SLC24A2: variants seen among roughly 807,000 people sequenced by gnomAD.
The protein encoded by SLC24A2 is sodium/potassium/calcium exchanger 2.
Under a neutral mutation model 62.0 loss-of-function variants are expected in SLC24A2, and 36 were observed. The observed-to-expected ratio is 0.58, with a 90% confidence interval of 0.44 to 0.77. The LOEUF (loss-of-function observed/expected upper bound fraction) is 0.77. Among genes scored for constraint, SLC24A2 ranks in the 30% least tolerant of loss-of-function variants. SLC24A2 has a pLI of 0.00. For missense variants in SLC24A2, 846 were observed against 817.9 expected (o/e 1.03, Z -0.42); for synonymous variants, 358 against 294.0 (o/e 1.22, Z -2.23).
At chr9:19,857,025 G>T in the SLC24A2 span, among the ~76,000 whole-genome samples, 1 of 152,162 alleles carries the variant, frequency 6.6e-6, no homozygotes, top group African/African-American at 2.4e-5. Flanking sequence ...TAACTTTATT[G>T]TTAAACATGG....
At chr9:19,801,324 C>G in the SLC24A2 span, among the ~76,000 whole-genome samples, 1 of 152,212 alleles carries the variant, frequency 6.6e-6, no homozygotes, top group Non-Finnish European at 1.5e-5. Context: ...AGCCTTTAGC[C>G]TGACTGGGAG....
chr9:19,564,883 G>T (rs1267722692), intron 7 of SLC24A2, among the ~76,000 whole-genome samples: 1 of 152,096 alleles, frequency 6.6e-6, no homozygotes, highest in Admixed American at 6.5e-5. Flanking sequence ...CAGCAGGCAG[G>T]CAGTTTTGCA....
intron 9 of SLC24A2, among the ~76,000 whole-genome samples, chr9:19,525,112 A>G (rs1397124298): frequency 6.6e-6 from 1 of 152,194 alleles, no homozygotes; most frequent in Non-Finnish European, 1.5e-5. Context: ...TGTATAAAAT[A>G]ATGACTCCAA....
At chr9:20,221,518 A>T in the SLC24A2 span, among the ~76,000 whole-genome samples, 3 of 152,088 alleles carry the variant, frequency 2.0e-5, no homozygotes, top group Non-Finnish European at 4.4e-5. Flanking sequence ...TGACATAATA[A>T]GTTAATGGTG....
the SLC24A2 span, among the ~76,000 whole-genome samples, chr9:19,794,478 G>T: frequency 6.6e-6 from 1 of 151,974 alleles, no homozygotes; most frequent in South Asian, 2.1e-4. Flanking sequence ...GAAGGGTGAG[G>T]ATTGCTGATT....
chr9:19,572,203 T>C (rs1052829060), intron 7 of SLC24A2, among the ~76,000 whole-genome samples: 5 of 131,006 alleles, frequency 3.8e-5, no homozygotes, highest in Admixed American at 3.0e-4. Flanking sequence ...GAGGTTGCAG[T>C]GAGCTGAGAT....
At chr9:19,946,924 T>C in the SLC24A2 span, among the ~76,000 whole-genome samples, 3 of 152,106 alleles carry the variant, frequency 2.0e-5, no homozygotes, top group African/African-American at 4.8e-5. Flanking sequence ...TAAATAGCTT[T>C]CTTCTAATGT....
chr9:19,531,432 C>T (rs975371713), intron 8 of SLC24A2, among the ~76,000 whole-genome samples: 3 of 152,090 alleles, frequency 2.0e-5, no homozygotes, highest in Non-Finnish European at 4.4e-5. Flanking sequence ...TGGGATGGAC[C>T]TCATACTAAT....
chr9:19,561,756 A>G (rs1420566491), intron 7 of SLC24A2, among the ~76,000 whole-genome samples: 1 of 150,396 alleles, frequency 6.6e-6, no homozygotes, highest in African/African-American at 2.4e-5. Flanking sequence ...AAAATGATAA[A>G]TCGTTGCTTG....
the SLC24A2 span, among the ~76,000 whole-genome samples, chr9:20,023,798 C>G: frequency 1.3e-5 from 2 of 152,182 alleles, no homozygotes; most frequent in Non-Finnish European, 1.5e-5. Flanking sequence ...AAAACAATCA[C>G]TCCTCCTGCC....
At chr9:20,155,674 G>C in the SLC24A2 span, among the ~76,000 whole-genome samples, 844 of 151,788 alleles carry the variant, frequency 5.6e-3, 8 homozygotes, top group African/African-American at 0.017. Context: ...AGCAAAATAG[G>C]AGTTACACAG....
chr9:20,210,099 G>A, the SLC24A2 span, among the ~76,000 whole-genome samples: 2 of 152,152 alleles, frequency 1.3e-5, no homozygotes, highest in African/African-American at 4.8e-5. Context: ...CACGAACCAA[G>A]TTCTCTGAAG....
chr9:20,265,691 C>T, the SLC24A2 span, among the ~76,000 whole-genome samples: 1 of 152,148 alleles, frequency 6.6e-6, no homozygotes, highest in Non-Finnish European at 1.5e-5. Flanking sequence ...CAAAAAAGAA[C>T]AGGGTAACAG....
chr9:19,536,141 T>C (rs1314272249), intron 8 of SLC24A2, among the ~76,000 whole-genome samples: 2 of 150,106 alleles, frequency 1.3e-5, no homozygotes. Flanking sequence ...GGCTCTCTGT[T>C]TGTCTTTTTT....
At chr9:20,043,257 A>T in the SLC24A2 span, among the ~76,000 whole-genome samples, 1 of 152,252 alleles carries the variant, frequency 6.6e-6, no homozygotes, top group Admixed American at 6.5e-5. Context: ...AAGAACGAAA[A>T]GAAAGTGAAA....
chr9:19,756,327 G>A (rs970562634), intron 2 of SLC24A2, among the ~76,000 whole-genome samples: 1 of 152,054 alleles, frequency 6.6e-6, no homozygotes. Context: ...TATAGAAATG[G>A]CAAGAAAGAA....
At chr9:20,009,078 C>A in the SLC24A2 span, among the ~76,000 whole-genome samples, 2 of 152,118 alleles carry the variant, frequency 1.3e-5, no homozygotes, top group African/African-American at 4.8e-5. Context: ...TAGCATAGTG[C>A]CATGCACAAA....
At chr9:20,181,250 A>AG in the SLC24A2 span, among the ~76,000 whole-genome samples, 1 of 117,820 alleles carries the variant, frequency 8.5e-6, no homozygotes, top group African/African-American at 2.9e-5. Flanking sequence ...TCTCATCTGA[A>AG]AAAAAAAAAG....
At chr9:20,201,603 A>G in the SLC24A2 span, among the ~76,000 whole-genome samples, 1 of 152,228 alleles carries the variant, frequency 6.6e-6, no homozygotes, top group Non-Finnish European at 1.5e-5. Flanking sequence ...ATGAAAGCAT[A>G]TTGAATTTGT....
Sources: gnomAD v4.1 joint callset for allele counts (sites outside exome capture counted in the v4.1 genomes callset) on GRCh38, gnomAD v4.1.1 for gene constraint, MANE v1.5 for transcripts, NCBI Gene and HGNC (gene_info 2026-07-23, HGNC 2026-07-21) for gene names.